ART4: variants seen among roughly 807,000 people sequenced by gnomAD.
The protein encoded by ART4 is ecto-ADP-ribosyltransferase 4.
In ART4, 14 loss-of-function variants were observed where a neutral mutation model predicts 24.2. That is an observed-to-expected ratio of 0.58 (90% CI 0.38 to 0.90). The LOEUF is 0.90. ART4 is among the 40% of genes least tolerant of loss of function. The probability of loss-of-function intolerance (pLI) is 0.00; values close to 1 mark genes in which losing one functional copy is unlikely to be tolerated. For missense variants in ART4, 356 were observed against 366.6 expected, an observed-to-expected ratio of 0.97 and a Z score of 0.24; for synonymous variants, 145 against 139.9, an observed-to-expected ratio of 1.04 and a Z score of -0.26.
Position 14,828,021 on chromosome 12 carries a change from C to T in ART4, c.*1350G>A. 6.6e-6 allele frequency: 1 copy of T among 152,188 alleles called. No individual in the cohort carries two copies. The highest frequency in any genetic ancestry group is 1.5e-5 in the Non-Finnish European group (1 of 68,030). 9.4% of individuals were successfully genotyped at this position (152,188 alleles called of 1,614,324 possible). A position where few individuals can be genotyped will look rare whatever the true frequency, so the allele number is the denominator to read the frequency against. On this transcript the variant is annotated 3_prime_UTR_variant, in exon 3 of 3. Transcript: ENST00000228936. ...AGCCCTCATCTTTACTCCATTTAGC[C>T]TGATACCAGGGTCTTCAGTGATCGT...
intron 2 of ART4, among the ~76,000 whole-genome samples, chr12:14,832,168 C>G (rs1950401119): frequency 6.6e-6 from 1 of 152,162 alleles, no homozygotes; most frequent in South Asian, 2.1e-4. Flanking sequence ...GGTATCCTAT[C>G]TAAGAGGAAA....
intron 2 of ART4, among the ~76,000 whole-genome samples, chr12:14,830,065 C>G (rs533402847): frequency 1.3e-5 from 2 of 151,698 alleles, no homozygotes; most frequent in Non-Finnish European, 2.9e-5. Flanking sequence ...CATGTCCATC[C>G]ATAGAATTTT....
In ART4 at chr12:14,843,180, C is replaced by T. The variant is rs995741375; in HGVS notation, c.-67G>A. ...CATCCTGAGATGAATTCTCAGAGTTCTCCTTTGAGGTTTTCTTTCAGTCTC... is the reference window on the plus strand; with the variant it reads ...CATCCTGAGATGAATTCTCAGAGTTTTCCTTTGAGGTTTTCTTTCAGTCTC... On this transcript the variant is annotated 5_prime_UTR_variant, in exon 1 of 3. Transcript: ENST00000228936. 2 of 1,592,430 alleles carry T rather than the reference C, an allele frequency of 1.3e-6. No individual in the cohort carries two copies. Among genetic ancestry groups the T allele is most frequent in the Non-Finnish European group, 1.7e-6 (2 of 1,166,452 alleles).
intron 2 of ART4, among the ~76,000 whole-genome samples, chr12:14,830,536 A>AGTGTGTGTGT (rs55694373): frequency 2.5e-4 from 31 of 124,202 alleles, no homozygotes; most frequent in African/African-American, 7.5e-4. Flanking sequence ...TCTATATAGG[A>AGTGTGTGTGT]GTGTGTGTGT....
At chr12:14,841,344 T>C (rs1863049593) in intron 1 of ART4, 191 bp from the exon 2 acceptor site, 1 of 511,506 alleles carries the variant, frequency 2.0e-6, no homozygotes, top group African/African-American at 2.0e-5. Context: ...TTGAATTTGG[T>C]TTGATAAATA....
rs771981484 is a variant in ART4, at chr12:14,840,687, A to G, written c.611T>C (p.Phe204Ser). 1.2e-6 allele frequency: 2 copies of G among 1,614,138 alleles called. No homozygotes were observed. Among genetic ancestry groups the G allele is most frequent in the Non-Finnish European group, 1.7e-6 (2 of 1,180,010 alleles). Residue 204 changes from phenylalanine (F) to serine (S), a missense_variant, in exon 2 of 3, where the codon TTT (phenylalanine) becomes TCT (serine). Coordinates refer to ENST00000228936, the MANE Select transcript of ART4 (RefSeq NM_021071.4). ...FNAYTGATIR[F>S]GQFLSTSLLK... is the part of the protein sequence containing the mutation. ...GAGGGATGTGGAGAGGAATTGGCCA[A>G]ATCGAATGGTGGCCCCTGTGTAGGC...
chr12:14,839,437 T>A (rs1472149697), intron 2 of ART4, among the ~76,000 whole-genome samples: 2 of 152,196 alleles, frequency 1.3e-5, no homozygotes, highest in Non-Finnish European at 2.9e-5. Context: ...ATAAATTTAT[T>A]TCTCACAATT....
chr12:14,840,458 A>C lies in ART4; in HGVS notation c.840T>G (p.Cys280Trp), dbSNP rs529881002. 110 of 1,606,706 alleles carry C rather than the reference A, an allele frequency of 6.8e-5. 1 individual carries two copies. The South Asian group carries it at 1.2e-3, about 17-fold the overall frequency. ...GATAAAGAATACCTTTTAGCAGCTG[A>C]CAGTTATATGTGCTCAGGTTCCCAG... ...RSTGNLSTYN[C>W]QLLKASSKKC... Residue 280 changes from cysteine to tryptophan, a missense_variant, in exon 2 of 3, where the codon TGT (cysteine) becomes TGG (tryptophan). Physicochemically the swap from Cys to Trp is radical, Grantham distance 215 (BLOSUM62 -2). Coordinates refer to ENST00000228936, the MANE Select transcript of ART4 (RefSeq NM_021071.4).
intron 2 of ART4, among the ~76,000 whole-genome samples, chr12:14,831,668 C>A (rs1335433359): frequency 6.6e-6 from 1 of 152,058 alleles, no homozygotes; most frequent in Non-Finnish European, 1.5e-5. Flanking sequence ...GGGAGCTCAT[C>A]CAGTCTCTTG....
chr12:14,839,835 T>A (rs1450850241), intron 2 of ART4, among the ~76,000 whole-genome samples: 1 of 152,244 alleles, frequency 6.6e-6, no homozygotes, highest in Non-Finnish European at 1.5e-5. Flanking sequence ...ATGGCTATTA[T>A]GAAGCCTTCC....
intron 2 of ART4, among the ~76,000 whole-genome samples, chr12:14,832,453 C>T: frequency 6.6e-6 from 1 of 152,156 alleles, no homozygotes; most frequent in Non-Finnish European, 1.5e-5. Flanking sequence ...ATTGCCACTC[C>T]TTCCCATAGT....
chr12:14,834,417 C>T (rs1205746904), intron 2 of ART4, among the ~76,000 whole-genome samples: 1 of 152,160 alleles, frequency 6.6e-6, no homozygotes, highest in African/African-American at 2.4e-5. Flanking sequence ...GAGTACTTAA[C>T]ATTTGTCAGA....
At chr12:14,834,792 G>A (rs1950418761) in intron 2 of ART4, among the ~76,000 whole-genome samples, 2 of 152,196 alleles carry the variant, frequency 1.3e-5, no homozygotes, top group Non-Finnish European at 2.9e-5. Flanking sequence ...GGTCATGTGA[G>A]GGGTGATGGA....
Position 14,829,265 on chromosome 12 carries a change from T to C in ART4, c.*106A>G. On this transcript the variant is annotated 3_prime_UTR_variant, in exon 3 of 3. Transcript: ENST00000228936. ...TGCACTGGTTTCAGCAGAAGTATGA[T>C]GGGATCATCCTTCCTGGAAAATAAA... 1.3e-6 allele frequency: 1 copy of C among 766,606 alleles called. No individual in the cohort carries two copies. Among genetic ancestry groups the C allele is most frequent in the South Asian group, 2.5e-5 (1 of 40,798 alleles). 47.5% of individuals were successfully genotyped at this position (766,606 alleles called of 1,614,324 possible). A position where few individuals can be genotyped will look rare whatever the true frequency, so the allele number is the denominator to read the frequency against.
At position 14,840,832 on chromosome 12, in the gene ART4, A is replaced by G; in HGVS notation, c.466T>C (p.Phe156Leu). The G allele has an allele frequency of 6.2e-7, 1 of 1,614,188 alleles. No individual in the cohort carries two copies. The highest frequency in any genetic ancestry group is 8.5e-7 in the Non-Finnish European group (1 of 1,180,024). Reference protein sequence around the residue: ...TPQQYERSFHFKYLHYYLTSA... With the variant: ...TPQQYERSFHLKYLHYYLTSA... ...GTGAGGTAGTAGTGTAAATATTTGA[A>G]GTGGAATGAACGTTCATACTGCTGT... The change falls in exon 2 of 3, where the codon TTC (phenylalanine) becomes CTC (leucine). Residue 156 changes from phenylalanine to leucine, a missense_variant. Phe to Leu is a conservative substitution (Grantham distance 22). Transcript: ENST00000228936.
rs1863083095 is a variant in ART4 at position 14,843,220 on chromosome 12, T to C, written c.-107A>G. The C allele has an allele frequency of 6.9e-7, 1 of 1,451,312 alleles. No homozygotes were observed. The highest frequency in any genetic ancestry group is 1.4e-5 in the African/African-American group (1 of 71,772). The allele number at this position is 1,451,312 out of a possible 1,614,324, so 89.9% of individuals were successfully genotyped here. On this transcript the variant is annotated 5_prime_UTR_variant, in exon 1 of 3. Transcript: ENST00000228936. ...CTTTCAGTCTCATCCGTAACCGTTT[T>C]TTCCCCTGTCTATGCTGAGCAACTT...
intron 2 of ART4, among the ~76,000 whole-genome samples, chr12:14,838,324 TC>T (rs1434961824): frequency 1.3e-5 from 2 of 152,184 alleles, no homozygotes; most frequent in Non-Finnish European, 2.9e-5. Context: ...TCCCTCAGTT[TC>T]CCACTCAATG....
At chr12:14,840,277 A>T (rs1289384691) in intron 2 of ART4, 168 bp downstream of exon 2, 4 of 590,232 alleles carry the variant, frequency 6.8e-6, no homozygotes, top group Non-Finnish European at 8.7e-6. Flanking sequence ...GGAAGAAAAG[A>T]GAAGTCAATA....
chr12:14,841,520 C>T (rs774335795), intron 1 of ART4, among the ~76,000 whole-genome samples: 2 of 152,168 alleles, frequency 1.3e-5, no homozygotes, highest in Non-Finnish European at 2.9e-5. Context: ...TCTTTCTAGT[C>T]TCTCACTGGT....
Sources: allele counts gnomAD v4.1 joint callset (sites outside exome capture counted in the v4.1 genomes callset), GRCh38; gene constraint gnomAD v4.1.1; transcripts MANE v1.5; gene names NCBI Gene and HGNC (gene_info 2026-07-23, HGNC 2026-07-21).